Variants in ACLY observed in about 807,000 individuals in gnomAD.
ACLY encodes the protein ATP citrate lyase, also known as ATP-citrate synthase.
ACLY carries 41 observed loss-of-function variants against 133.0 expected under a neutral mutation model. That is an observed-to-expected ratio of 0.31 (90% CI 0.24 to 0.40). ACLY has a LOEUF of 0.40. ACLY is among the 10% of genes least tolerant of loss of function. ACLY has a pLI of 1.00. For synonymous variants in ACLY, 495 were observed against 549.3 expected (o/e 0.90, Z 1.38); for missense variants, 1,046 against 1,453.8 (o/e 0.72, Z 4.56).
chr17:41,919,144 G>A (rs1398992333), upstream of ACLY: 8 of 1,074,186 alleles, frequency 7.4e-6, no homozygotes, highest in South Asian at 8.2e-5. Context: ...GCTGGGACTT[G>A]TAGTCCCGCT....
chr17:41,924,542 A>G (rs1451376365), intron 1 of ACLY, among the ~76,000 whole-genome samples: 1 of 152,128 alleles, frequency 6.6e-6, no homozygotes, highest in African/African-American at 2.4e-5. Context: ...GCTTCCAGCA[A>G]AGCCCCATCA....
intron 20 of ACLY, among the ~76,000 whole-genome samples, chr17:41,881,777 G>C (rs1329507200): frequency 1.3e-5 from 2 of 152,106 alleles, no homozygotes; most frequent in Non-Finnish European, 2.9e-5. Flanking sequence ...GATCTACCAA[G>C]GTCTGATTTT....
At chr17:41,875,073 G>T (rs1259583560) in intron 22 of ACLY, among the ~76,000 whole-genome samples, 1 of 152,062 alleles carries the variant, frequency 6.6e-6, no homozygotes, top group Non-Finnish European at 1.5e-5. Flanking sequence ...ATGGGGCAGG[G>T]CACAGTGGCT....
At chr17:41,920,315 G>C (rs2050161698), upstream of ACLY, among the ~76,000 whole-genome samples, 2 of 151,956 alleles carry the variant, frequency 1.3e-5, no homozygotes, top group Non-Finnish European at 2.9e-5. Context: ...CTAAAATGGG[G>C]GTGGCCAGTC....
At chr17:41,892,542 A>C in intron 15 of ACLY, 95 bp from the exon 16 acceptor site, 1 of 1,151,924 alleles carries the variant, frequency 8.7e-7, no homozygotes, top group Non-Finnish European at 1.3e-6. Context: ...GAAGATAGAA[A>C]AGGCATGGTC....
intron 20 of ACLY, among the ~76,000 whole-genome samples, chr17:41,881,416 CAA>C (rs34173466): frequency 1.3e-3 from 56 of 41,582 alleles, no homozygotes; most frequent in African/African-American, 3.5e-3. Context: ...GACTCCGTCT[CAA>C]AAAAAAAAAA....
intron 20 of ACLY, among the ~76,000 whole-genome samples, chr17:41,882,396 A>AAAAAAAAAAAT: frequency 6.8e-6 from 1 of 146,582 alleles, no homozygotes; most frequent in Non-Finnish European, 1.5e-5. Flanking sequence ...AAAAAAAAAA[A>AAAAAAAAAAAT]AGTTGTTTCC....
chr17:41,868,561 G>C, intron 28 of ACLY, 148 bp downstream of exon 28: 2 of 506,562 alleles, frequency 3.9e-6, no homozygotes, highest in Non-Finnish European at 6.7e-6. Flanking sequence ...AAGAGGATAT[G>C]ACATTTCTTC....
intron 10 of ACLY, among the ~76,000 whole-genome samples, chr17:41,902,514 C>T (rs1325606426): frequency 6.6e-6 from 1 of 152,100 alleles, no homozygotes; most frequent in African/African-American, 2.4e-5. Flanking sequence ...GCGCCCAGCG[C>T]GGTGTAAGAA....
At chr17:41,930,411 C>G (rs1555636483) in exon 1 of ACLY, 2 of 290,506 alleles carry the variant, frequency 6.9e-6, no homozygotes, top group Admixed American at 4.7e-5. Flanking sequence ...TTCCTGTTTT[C>G]TTGGCTGTCT....
At chr17:41,905,410 G>T in intron 9 of ACLY, 112 bp downstream of exon 9, 1 of 1,412,802 alleles carries the variant, frequency 7.1e-7, no homozygotes, top group Non-Finnish European at 9.9e-7. Flanking sequence ...GCCTCAAGTT[G>T]CAAAGGACCA....
intron 1 of ACLY, among the ~76,000 whole-genome samples, chr17:41,926,861 T>G (rs1037590685): frequency 3.3e-5 from 5 of 152,038 alleles, no homozygotes; most frequent in Non-Finnish European, 7.4e-5. Flanking sequence ...GTGTACAATT[T>G]GATGAGGTTT....
At chr17:41,897,525 G>A (rs2049404636) in intron 13 of ACLY, among the ~76,000 whole-genome samples, 1 of 152,124 alleles carries the variant, frequency 6.6e-6, no homozygotes, top group African/African-American at 2.4e-5. Flanking sequence ...GAGAATAGGG[G>A]GAGTTGAGGC....
At chr17:41,874,020 T>C in intron 22 of ACLY, 55 bp from the exon 23 acceptor site, 1 of 1,520,372 alleles carries the variant, frequency 6.6e-7, no homozygotes, top group African/African-American at 1.4e-5. Context: ...CACAGATTTT[T>C]CCAGGACTGC....
intron 22 of ACLY, among the ~76,000 whole-genome samples, chr17:41,877,391 C>T (rs2048790424): frequency 1.3e-5 from 2 of 151,974 alleles, no homozygotes; most frequent in South Asian, 4.1e-4. Flanking sequence ...GATCCGCCCA[C>T]CCTGGCCTCC....
At chr17:41,887,260 G>C (rs2049078392) in intron 17 of ACLY, among the ~76,000 whole-genome samples, 1 of 151,424 alleles carries the variant, frequency 6.6e-6, no homozygotes, top group Non-Finnish European at 1.5e-5. Flanking sequence ...CCAACATGGT[G>C]AAATCCCGTC....
upstream of ACLY, among the ~76,000 whole-genome samples, chr17:41,921,351 G>A (rs1335622465): frequency 6.6e-6 from 1 of 151,656 alleles, no homozygotes; most frequent in Non-Finnish European, 1.5e-5. Flanking sequence ...GGGCATGGTG[G>A]TGCACACCTG....
intron 18 of ACLY, among the ~76,000 whole-genome samples, chr17:41,885,055 G>A (rs1182650113): frequency 6.6e-6 from 1 of 151,894 alleles, no homozygotes; most frequent in East Asian, 1.9e-4. Flanking sequence ...TGGTAGAGAT[G>A]GGGGTCTCTA....
At chr17:41,925,129 G>C (rs146526012) in intron 1 of ACLY, among the ~76,000 whole-genome samples, 341 of 151,860 alleles carry the variant, frequency 2.2e-3, no homozygotes, top group Non-Finnish European at 3.0e-3. Context: ...TCTGCCTTCT[G>C]GGTTCAAGCG....
Sources: gnomAD v4.1 joint callset for allele counts (sites outside exome capture counted in the v4.1 genomes callset) on GRCh38, gnomAD v4.1.1 for gene constraint, MANE v1.5 for transcripts, NCBI Gene and HGNC (gene_info 2026-07-23, HGNC 2026-07-21) for gene names.